Variants in KCNH5 observed in about 807,000 individuals in gnomAD.
KCNH5 encodes potassium voltage-gated channel subfamily H member 5.
KCNH5 carries 46 observed loss-of-function variants against 96.1 expected under a neutral mutation model. That is an observed-to-expected ratio of 0.48 (90% CI 0.38 to 0.61). The LOEUF (loss-of-function observed/expected upper bound fraction) is 0.61. Ranked by LOEUF, KCNH5 falls within the 20% of genes least tolerant of loss-of-function variation. The probability of loss-of-function intolerance (pLI) is 0.00; values close to 1 mark genes in which losing one functional copy is unlikely to be tolerated. For synonymous variants in KCNH5, 439 were observed against 449.8 expected (o/e 0.98, Z 0.30); for missense variants, 907 against 1,225.8 (o/e 0.74, Z 3.88).
intron 6 of KCNH5, among the ~76,000 whole-genome samples, chr14:62,960,114 C>T (rs1358106541): frequency 6.6e-6 from 1 of 152,172 alleles, no homozygotes; most frequent in African/African-American, 2.4e-5. Flanking sequence ...CTCCCTCGAA[C>T]ACAGGGATTA....
chr14:62,772,196 T>A (rs1886001181), intron 10 of KCNH5, among the ~76,000 whole-genome samples: 1 of 152,154 alleles, frequency 6.6e-6, no homozygotes, highest in Non-Finnish European at 1.5e-5. Flanking sequence ...GTATTTTCTT[T>A]TTCTCCTTCC....
rs182891924 is a variant in KCNH5, at chr14:62,984,853, A to T, written c.549+2219T>A. Among the ~76,000 whole-genome samples, 17 of 152,302 alleles carry T rather than the reference A, an allele frequency of 1.1e-4. No individual in the cohort carries two copies. The East Asian group carries it at 2.9e-3, about 26-fold the overall frequency. ...GGGAAAGTTTCTTTCTTTTCCGTTGATACAGTGAAAAAACAATTCTGAGTG... is the reference window on the plus strand; with the variant it reads ...GGGAAAGTTTCTTTCTTTTCCGTTGTTACAGTGAAAAAACAATTCTGAGTG... On this transcript the variant is annotated intron_variant, in intron 5 of 10. Coordinates refer to ENST00000322893, the MANE Select transcript of KCNH5 (RefSeq NM_139318.5).
At chr14:62,845,224 C>G (rs1052135233) in intron 8 of KCNH5, among the ~76,000 whole-genome samples, 1 of 152,070 alleles carries the variant, frequency 6.6e-6, no homozygotes, top group Non-Finnish European at 1.5e-5. Context: ...ACATTAAATA[C>G]TGGGTGATTG....
chr14:62,905,221 A>C (rs1889004114), intron 7 of KCNH5, among the ~76,000 whole-genome samples: 1 of 152,230 alleles, frequency 6.6e-6, no homozygotes, highest in African/African-American at 2.4e-5. Flanking sequence ...GATCCTTCAG[A>C]ATACAATTAA....
At chr14:62,717,467 C>T (rs1209140115) in intron 10 of KCNH5, among the ~76,000 whole-genome samples, 1 of 152,108 alleles carries the variant, frequency 6.6e-6, no homozygotes, top group Non-Finnish European at 1.5e-5. Flanking sequence ...AACTGAGAGT[C>T]CTGAAATAAA....
intron 9 of KCNH5, among the ~76,000 whole-genome samples, chr14:62,799,132 C>T (rs1886596707): frequency 6.6e-6 from 1 of 152,068 alleles, no homozygotes; most frequent in African/African-American, 2.4e-5. Flanking sequence ...TAAGACATAA[C>T]AATCATAAAT....
chr14:62,980,475 A>G (rs901070519), intron 6 of KCNH5, among the ~76,000 whole-genome samples: 2 of 152,210 alleles, frequency 1.3e-5, no homozygotes, highest in African/African-American at 2.4e-5. Context: ...AAATACATCT[A>G]TTTATTAGGT....
intron 10 of KCNH5, among the ~76,000 whole-genome samples, chr14:62,761,654 CTT>C (rs1279188519): frequency 5.3e-5 from 8 of 152,226 alleles, no homozygotes; most frequent in South Asian, 4.1e-4. Context: ...AAAATTCAAA[CTT>C]AATATCGCAC....
chr14:63,041,824 A>G (rs1483918820), intron 1 of KCNH5, among the ~76,000 whole-genome samples: 1 of 152,132 alleles, frequency 6.6e-6, no homozygotes, highest in Non-Finnish European at 1.5e-5. Context: ...ATAAAAATCC[A>G]GTCTCAAGAG....
intron 7 of KCNH5, 56 bp downstream of exon 7, chr14:62,950,077 T>C (rs1303319878): frequency 2.0e-6 from 3 of 1,477,848 alleles, no homozygotes; most frequent in South Asian, 2.3e-5. Context: ...TCTGAGATTG[T>C]AGCCAGGAAA....
chr14:62,799,728 C>CAT (rs1886618365), intron 9 of KCNH5, among the ~76,000 whole-genome samples: 1 of 62,058 alleles, frequency 1.6e-5, no homozygotes, highest in African/African-American at 4.5e-5. Context: ...TATATATATA[C>CAT]ACACACACAC....
intron 7 of KCNH5, among the ~76,000 whole-genome samples, chr14:62,861,723 T>C (rs77666900): frequency 0.024 from 3,702 of 151,980 alleles, 51 homozygotes; most frequent in Middle Eastern, 0.051. Flanking sequence ...ATGAGATGTA[T>C]CTTTCAGGAT....
At chr14:62,890,785 C>CA (rs1377271387) in intron 7 of KCNH5, among the ~76,000 whole-genome samples, 6 of 151,332 alleles carry the variant, frequency 4.0e-5, no homozygotes, top group East Asian at 1.9e-4. Context: ...CAAGCACATG[C>CA]AAAAAAACTC....
chr14:62,728,742 A>T (rs372363188), intron 10 of KCNH5, among the ~76,000 whole-genome samples: 1 of 152,168 alleles, frequency 6.6e-6, no homozygotes, highest in Non-Finnish European at 1.5e-5. Flanking sequence ...TGGGCCTTAT[A>T]TGATGGTTGC....
At position 62,713,830 on chromosome 14, in the gene KCNH5, T is replaced by C. The variant is rs562561739; in HGVS notation, c.2020-5375A>G. Among the ~76,000 whole-genome samples, 35 of 152,368 alleles carry C rather than the reference T, an allele frequency of 2.3e-4. 1 individual carries two copies. The South Asian group carries it at 7.0e-3, about 31-fold the overall frequency. ...ACACTAAATGTAATTAGGCCCTCTCTACAAGTCCTTACAGTTTTAGAGACA... is the reference window on the plus strand; with the variant it reads ...ACACTAAATGTAATTAGGCCCTCTCCACAAGTCCTTACAGTTTTAGAGACA... On this transcript the variant is annotated intron_variant, in intron 10 of 10. Transcript: ENST00000322893.
chr14:62,884,353 G>T (rs1376475504), intron 7 of KCNH5, among the ~76,000 whole-genome samples: 1 of 152,170 alleles, frequency 6.6e-6, no homozygotes, highest in Non-Finnish European at 1.5e-5. Context: ...GGCCGGGCAC[G>T]GTGGTTCACA....
At chr14:62,996,704 G>A (rs1166014386) in intron 4 of KCNH5, among the ~76,000 whole-genome samples, 3 of 152,130 alleles carry the variant, frequency 2.0e-5, no homozygotes, top group African/African-American at 4.8e-5. Context: ...AAATGTTGCC[G>A]ACTTTGAGTT....
At chr14:62,723,961 A>T (rs1323986787) in intron 10 of KCNH5, among the ~76,000 whole-genome samples, 1 of 152,154 alleles carries the variant, frequency 6.6e-6, no homozygotes, top group Admixed American at 6.5e-5. Context: ...AGATTTTCTA[A>T]CTTTCCATAG....
intron 1 of KCNH5, among the ~76,000 whole-genome samples, chr14:63,029,758 T>C (rs914223513): frequency 1.3e-5 from 2 of 152,112 alleles, no homozygotes; most frequent in Admixed American, 6.6e-5. Flanking sequence ...TTGAAATTTC[T>C]CTATTCATTG....
Sources: allele counts gnomAD v4.1 joint callset (sites outside exome capture counted in the v4.1 genomes callset), GRCh38; gene constraint gnomAD v4.1.1; transcripts MANE v1.5; gene names NCBI Gene and HGNC (gene_info 2026-07-23, HGNC 2026-07-21).